The following CNTN4 variants were observed in gnomAD, a reference collection of about 807,000 sequenced individuals.
CNTN4 encodes contactin 4, also known as contactin-4.
A neutral mutation model predicts 122.5 loss-of-function variants in CNTN4; 77 were observed. That is an observed-to-expected ratio of 0.63 (90% confidence interval 0.52 to 0.76). The LOEUF (loss-of-function observed/expected upper bound fraction) is 0.76, where lower values mean the gene tolerates loss of function less well. CNTN4 is among the 30% of genes least tolerant of loss of function. The probability of loss-of-function intolerance (pLI) is 0.00; values close to 1 mark genes in which losing one functional copy is unlikely to be tolerated. For synonymous variants in CNTN4, 512 were observed against 447.0 expected (o/e 1.15, Z -1.83); for missense variants, 1,256 against 1,259.1 (o/e 1.00, Z 0.04).
intron 6 of CNTN4, among the ~76,000 whole-genome samples, chr3:2,777,233 T>A (rs982926498): frequency 6.6e-6 from 1 of 152,154 alleles, no homozygotes; most frequent in African/African-American, 2.4e-5. Context: ...GTATAACCCA[T>A]GATTAATACC....
chr3:2,389,353 CGG>C (rs1559510638), intron 3 of CNTN4, among the ~76,000 whole-genome samples: 1 of 139,694 alleles, frequency 7.2e-6, no homozygotes, highest in African/African-American at 2.8e-5. Flanking sequence ...ATGTTGTTCT[CGG>C]AGAAACCTTC....
At chr3:2,259,763 A>G (rs1230524947) in intron 2 of CNTN4, among the ~76,000 whole-genome samples, 1 of 152,180 alleles carries the variant, frequency 6.6e-6, no homozygotes, top group Admixed American at 6.5e-5. Flanking sequence ...TATGGGAGCT[A>G]CAATTCAAGA....
chr3:2,931,344 T>C (rs548627797), intron 13 of CNTN4, among the ~76,000 whole-genome samples: 2 of 148,678 alleles, frequency 1.3e-5, no homozygotes, highest in Admixed American at 1.3e-4. Flanking sequence ...CTTTAGGAAC[T>C]GACGAATGGC....
At chr3:3,039,236 G>A in intron 19 of CNTN4, 1 of 501,490 alleles carries the variant, frequency 2.0e-6, no homozygotes, top group South Asian at 2.7e-5. Flanking sequence ...AATTATGAAG[G>A]GAAGACAACA....
intron 13 of CNTN4, among the ~76,000 whole-genome samples, chr3:2,950,750 T>C (rs1421821304): frequency 6.6e-6 from 1 of 152,246 alleles, no homozygotes; most frequent in African/African-American, 2.4e-5. Flanking sequence ...GTTTTAACTC[T>C]ATATGGAGAC....
intron 3 of CNTN4, among the ~76,000 whole-genome samples, chr3:2,347,464 C>T (rs1192254108): frequency 7.7e-6 from 1 of 129,338 alleles, no homozygotes; most frequent in Non-Finnish European, 1.5e-5. Context: ...GTCTGGAGTG[C>T]AGTGGCACCA....
At chr3:2,886,572 T>C (rs1231631066) in intron 9 of CNTN4, among the ~76,000 whole-genome samples, 5 of 147,878 alleles carry the variant, frequency 3.4e-5, no homozygotes, top group Non-Finnish European at 4.5e-5. Context: ...AGTGCAGTAG[T>C]GCGATCTTGG....
At chr3:2,405,565 A>T (rs1281769349) in intron 3 of CNTN4, among the ~76,000 whole-genome samples, 2 of 151,278 alleles carry the variant, frequency 1.3e-5, no homozygotes, top group Non-Finnish European at 2.9e-5. Flanking sequence ...AATAAAATAG[A>T]TATATGCGAA....
intron 2 of CNTN4, among the ~76,000 whole-genome samples, chr3:2,180,485 A>G (rs2036966971): frequency 6.6e-6 from 1 of 152,032 alleles, no homozygotes; most frequent in East Asian, 1.9e-4. Flanking sequence ...TTTTGGGTCC[A>G]CTTGCTCATT....
At chr3:2,571,813 T>G (rs1336657085) in intron 4 of CNTN4, among the ~76,000 whole-genome samples, 1 of 152,152 alleles carries the variant, frequency 6.6e-6, no homozygotes, top group African/African-American at 2.4e-5. Flanking sequence ...GAGCCATTAT[T>G]TAGTTTGAAA....
intron 12 of CNTN4, among the ~76,000 whole-genome samples, chr3:2,907,381 T>C (rs1313956053): frequency 6.6e-6 from 1 of 152,178 alleles, no homozygotes; most frequent in Non-Finnish European, 1.5e-5. Flanking sequence ...CAGAACAGCC[T>C]GGCCACCATG....
At chr3:2,922,569 C>T (rs1280611018) in intron 12 of CNTN4, among the ~76,000 whole-genome samples, 1 of 149,500 alleles carries the variant, frequency 6.7e-6, no homozygotes, top group African/African-American at 2.5e-5. Context: ...ACTTCAGAAG[C>T]TAATTAAGTA....
intron 3 of CNTN4, among the ~76,000 whole-genome samples, chr3:2,401,746 G>C (rs1239001407): frequency 1.3e-5 from 2 of 152,224 alleles, no homozygotes; most frequent in Non-Finnish European, 2.9e-5. Flanking sequence ...GCTAATAATA[G>C]ATTGCTCTTC....
In CNTN4 at chr3:2,497,403, T is replaced by G. The variant is rs563032301; in HGVS notation, c.-88-74013T>G. ...CACCCTCAAATGACTTAGCTCATTATGTAGTTTTTGGAAAATCCAGAATGT... is the reference window on the plus strand; with the variant it reads ...CACCCTCAAATGACTTAGCTCATTAGGTAGTTTTTGGAAAATCCAGAATGT... On this transcript the variant is annotated intron_variant, in intron 3 of 24. Coordinates refer to ENST00000418658, the MANE Select transcript of CNTN4 (RefSeq NM_175607.3). Among the ~76,000 whole-genome samples, 21 of 152,316 alleles carry G rather than the reference T, an allele frequency of 1.4e-4. No homozygotes were observed. In the South Asian group the frequency reaches 4.1e-3, roughly 30 times the overall value.
intron 13 of CNTN4, among the ~76,000 whole-genome samples, chr3:2,955,856 G>A (rs1287469472): frequency 6.6e-6 from 1 of 151,478 alleles, no homozygotes; most frequent in South Asian, 2.1e-4. Context: ...TAGTGGGGAT[G>A]TAAAATGATT....
At chr3:2,549,185 T>A (rs905498905) in intron 3 of CNTN4, among the ~76,000 whole-genome samples, 48 of 152,276 alleles carry the variant, frequency 3.2e-4, no homozygotes, top group African/African-American at 1.1e-3. Flanking sequence ...ATTTGAATAC[T>A]CTTTATTTCT....
intron 6 of CNTN4, among the ~76,000 whole-genome samples, chr3:2,790,290 T>C (rs1393418057): frequency 6.6e-6 from 1 of 152,162 alleles, no homozygotes; most frequent in Non-Finnish European, 1.5e-5. Context: ...TTAGTTGTGG[T>C]GAAGTGAACT....
intron 2 of CNTN4, among the ~76,000 whole-genome samples, chr3:2,179,974 G>T (rs913092459): frequency 2.0e-5 from 3 of 151,866 alleles, no homozygotes; most frequent in African/African-American, 7.3e-5. Context: ...TATAAATCTA[G>T]TGTAGATTTT....
chr3:2,677,177 G>A (rs1431026983), intron 4 of CNTN4, among the ~76,000 whole-genome samples: 1 of 129,748 alleles, frequency 7.7e-6, no homozygotes, highest in African/African-American at 3.0e-5. Context: ...AGATAGATGT[G>A]TATATATATA....
Sources: allele counts gnomAD v4.1 joint callset (sites outside exome capture counted in the v4.1 genomes callset), GRCh38; gene constraint gnomAD v4.1.1; transcripts MANE v1.5; gene names NCBI Gene and HGNC (gene_info 2026-07-23, HGNC 2026-07-21).